Variants in EEF1AKMT1 observed in about 807,000 individuals in gnomAD.
EEF1AKMT1 encodes the protein EEF1A lysine methyltransferase 1.
A neutral mutation model predicts 21.0 loss-of-function variants in EEF1AKMT1; 18 were observed. The observed-to-expected ratio is 0.86, with a 90% CI of 0.59 to 1.27. The LOEUF (loss-of-function observed/expected upper bound fraction) is 1.27, where lower values mean the gene tolerates loss of function less well. Among genes scored for constraint, EEF1AKMT1 ranks in the 50% most tolerant of loss-of-function variants. The probability of loss-of-function intolerance (pLI) is 0.00; values close to 1 mark genes in which losing one functional copy is unlikely to be tolerated. For missense variants in EEF1AKMT1, 246 were observed against 258.6 expected, an observed-to-expected ratio of 0.95 and a Z score of 0.33; for synonymous variants, 109 against 94.8, an observed-to-expected ratio of 1.15 and a Z score of -0.87.
intron 1 of EEF1AKMT1, among the ~76,000 whole-genome samples, chr13:20,765,156 G>C (rs2059021665): frequency 6.6e-6 from 1 of 152,004 alleles, no homozygotes; most frequent in Admixed American, 6.6e-5. Flanking sequence ...AGCTACTCGG[G>C]AGGCTGAGGC....
chr13:20,729,491 C>CAT (rs2141408042), intron 4 of EEF1AKMT1, among the ~76,000 whole-genome samples: 2 of 112,900 alleles, frequency 1.8e-5, no homozygotes, highest in East Asian at 3.9e-4. Flanking sequence ...AGATTATACA[C>CAT]ACACACACAC....
chr13:20,729,139 A>G lies in EEF1AKMT1; in HGVS notation c.586T>C (p.Leu196=). 1 of 1,614,222 alleles carries G rather than the reference A, an allele frequency of 6.2e-7. No homozygotes were observed. The highest frequency in any genetic ancestry group is 8.5e-7 in the Non-Finnish European group (1 of 1,180,028). ...ACATAACAGCGAAACTCATTTGCCA[A>G]GTTCCGGGTGTGTCTTGGAACAAAC... is the stretch of plus-strand genomic sequence containing the variant. ...CTFVPRHTRN[L]ANEFRCYVNY... Residue 196 remains leucine (L), a synonymous_variant, in exon 5 of 5, where the codon TTG becomes CTG. Coordinates refer to ENST00000382758, the MANE Select transcript of EEF1AKMT1 (RefSeq NM_001318939.2).
chr13:20,747,450 GT>G (rs2058911581), intron 2 of EEF1AKMT1: 1 of 149,092 alleles, frequency 6.7e-6, no homozygotes, highest in African/African-American at 3.5e-5. Context: ...CTCTGTGCCA[GT>G]TAGGCACATT....
At chr13:20,739,200 C>T (rs141954598) in intron 2 of EEF1AKMT1, among the ~76,000 whole-genome samples, 3 of 152,236 alleles carry the variant, frequency 2.0e-5, no homozygotes, top group Admixed American at 6.5e-5. Context: ...TTGGTAACTT[C>T]GCTGGTTTCA....
intron 2 of EEF1AKMT1, among the ~76,000 whole-genome samples, chr13:20,738,971 C>T (rs1460850044): frequency 6.6e-6 from 1 of 152,186 alleles, no homozygotes; most frequent in South Asian, 2.1e-4. Context: ...GCTGTGGACC[C>T]TCACGATGAG....
At chr13:20,748,230 A>AT (rs2058918523) in intron 2 of EEF1AKMT1, among the ~76,000 whole-genome samples, 1 of 152,096 alleles carries the variant, frequency 6.6e-6, no homozygotes, top group Non-Finnish European at 1.5e-5. Flanking sequence ...AGGTCAGGAG[A>AT]TTGAGACCAT....
At chr13:20,736,566 C>T (rs1359647210) in intron 3 of EEF1AKMT1, among the ~76,000 whole-genome samples, 3 of 151,798 alleles carry the variant, frequency 2.0e-5, no homozygotes, top group Non-Finnish European at 2.9e-5. Flanking sequence ...AAAACCAGCG[C>T]AAGACCATGC....
At chr13:20,737,551 G>A (rs1386948983) in intron 3 of EEF1AKMT1, among the ~76,000 whole-genome samples, 172 bp downstream of exon 3, 1 of 152,216 alleles carries the variant, frequency 6.6e-6, no homozygotes, top group African/African-American at 2.4e-5. Context: ...ATAGGTTTCT[G>A]AGTGGGTCTC....
chr13:20,743,905 C>T (rs1427537068), intron 2 of EEF1AKMT1, among the ~76,000 whole-genome samples: 1 of 151,962 alleles, frequency 6.6e-6, no homozygotes, highest in Non-Finnish European at 1.5e-5. Flanking sequence ...GCCATGTGTT[C>T]TCATTGTTCA....
At chr13:20,748,722 T>TTGTTGTTGTTGTTG (rs761720049) in intron 2 of EEF1AKMT1, among the ~76,000 whole-genome samples, 1 of 78,648 alleles carries the variant, frequency 1.3e-5, no homozygotes, top group Non-Finnish European at 2.6e-5. Context: ...GTTGTTTTTT[T>TTGTTGTTGTTGTTG]TTGGTTTTTT....
rs1489827963 is a variant in EEF1AKMT1, at chr13:20,729,198, T to C, written c.527A>G (p.Gln176Arg). 6.2e-7 allele frequency: 1 copy of C among 1,614,186 alleles called. No homozygotes were observed. The highest frequency in any genetic ancestry group is 2.2e-5 in the East Asian group (1 of 44,876). The change falls in exon 5 of 5, where the codon CAG (glutamine) becomes CGG (arginine). Residue 176 changes from glutamine (Q) to arginine (R), a missense_variant. Physicochemically the swap from Gln to Arg is conservative, Grantham distance 43. Coordinates refer to ENST00000382758, the MANE Select transcript of EEF1AKMT1 (RefSeq NM_001318939.2). ...LLCTGAIMEE[Q>R]AAELLGVKMC... ...CTTCACTCCAAGGAGTTCTGCTGCC[T>C]GTTCTTCCATGATGGCACCTGAAGA...
rs371748378 is a variant in EEF1AKMT1, at chr13:20,732,022, G to A, written c.327C>T (p.Ala109=). 4.3e-6 allele frequency: 7 copies of A among 1,614,014 alleles called. No individual in the cohort carries two copies. In the African/African-American group the frequency reaches 8.0e-5, roughly 18 times the overall value. The change falls in exon 4 of 5, where the codon GCC becomes GCT. Residue 109 remains alanine (A), a synonymous_variant. Transcript: ENST00000382758. ...IYIFEYDKRF[A]MYGEEFIFYD... ...AGAAAATAAACTCCTCTCCATACAT[G>A]GCAAATCTTTTGTCATATTCAAAGA...
chr13:20,730,859 C>T (rs2058789563), intron 4 of EEF1AKMT1, among the ~76,000 whole-genome samples: 1 of 152,184 alleles, frequency 6.6e-6, no homozygotes, highest in South Asian at 2.1e-4. Context: ...TTGTCCTCTT[C>T]CATGGTGTGG....
intron 1 of EEF1AKMT1, among the ~76,000 whole-genome samples, chr13:20,759,306 G>A (rs1425194452): frequency 6.6e-6 from 1 of 152,220 alleles, no homozygotes; most frequent in Non-Finnish European, 1.5e-5. Context: ...TCGGCCGGGC[G>A]CCGTGGCTCA....
At chr13:20,731,436 G>A (rs9805454) in intron 4 of EEF1AKMT1, among the ~76,000 whole-genome samples, 14,109 of 152,238 alleles carry the variant, frequency 0.093, 803 homozygotes, top group Non-Finnish European at 0.13. Context: ...GATCTCGCCA[G>A]TAAGAAAACT....
chr13:20,749,089 G>C (rs1473156762), intron 2 of EEF1AKMT1, among the ~76,000 whole-genome samples: 1 of 152,104 alleles, frequency 6.6e-6, no homozygotes, highest in Non-Finnish European at 1.5e-5. Flanking sequence ...GTTCATTATT[G>C]AGCCAAGTGG....
At chr13:20,765,178 T>A (rs188439264) in intron 1 of EEF1AKMT1, among the ~76,000 whole-genome samples, 11 of 151,918 alleles carry the variant, frequency 7.2e-5, no homozygotes, top group Admixed American at 5.9e-4. Context: ...GGAAAATCGC[T>A]TGAACCCGGG....
chr13:20,758,868 A>G lies in EEF1AKMT1; in HGVS notation c.-19-1251T>C, dbSNP rs375990882. ...ATAGAGAACCCAGAAATAAAGCCAC[A>G]CACGTACAATCAACTGGTCTTCGAT... is the stretch of plus-strand genomic sequence containing the variant. On this transcript the variant is annotated intron_variant, in intron 1 of 4. Coordinates refer to ENST00000382758, the MANE Select transcript of EEF1AKMT1 (RefSeq NM_001318939.2). Among the ~76,000 whole-genome samples, 15 of 152,314 alleles carry G rather than the reference A, an allele frequency of 9.8e-5. 1 individual carries two copies. The East Asian group carries it at 1.9e-3, about 20-fold the overall frequency.
chr13:20,756,271 T>G (rs1418167531), intron 2 of EEF1AKMT1, among the ~76,000 whole-genome samples: 1 of 152,010 alleles, frequency 6.6e-6, no homozygotes, highest in Non-Finnish European at 1.5e-5. Context: ...AACTATTTCC[T>G]TTAAAAAAAA....
Sources: gnomAD v4.1 joint callset for allele counts (sites outside exome capture counted in the v4.1 genomes callset) on GRCh38, gnomAD v4.1.1 for gene constraint, MANE v1.5 for transcripts, NCBI Gene and HGNC (gene_info 2026-07-23, HGNC 2026-07-21) for gene names.